Variants in PRELID2 observed in about 807,000 individuals in gnomAD.
The protein encoded by PRELID2 is PRELI domain-containing protein 2.
A neutral mutation model predicts 28.4 loss-of-function variants in PRELID2; 25 were observed. The ratio of observed to expected loss-of-function variants is 0.88; its 90% CI spans 0.64 to 1.23. The LOEUF (loss-of-function observed/expected upper bound fraction) is 1.23. Among genes scored for constraint, PRELID2 ranks in the 50% most tolerant of loss-of-function variants. The pLI, the probability that PRELID2 is intolerant of heterozygous loss-of-function variation, is 0.00. For missense variants in PRELID2, 201 were observed against 214.4 expected (o/e 0.94, Z 0.39); for synonymous variants, 76 against 71.6 (o/e 1.06, Z -0.31).
chr5:145,672,865 T>C (rs747850348), intron 1 of PRELID2, among the ~76,000 whole-genome samples: 1 of 152,192 alleles, frequency 6.6e-6, no homozygotes, highest in Non-Finnish European at 1.5e-5. Context: ...ATATAAATTT[T>C]CATTACTGAC....
rs778639494 is a variant in PRELID2, at chr5:145,796,320, T to G, written c.474+122A>C. On this transcript the variant is annotated intron_variant, in intron 5 of 6. Transcript: ENST00000683046. ...TTTTGAGGTTGATTATTTTTGCATA[T>G]ATTTGTTTATTAACTATATGTTTTT... The G allele has an allele frequency of 1.4e-5, 7 of 512,912 alleles. No homozygotes were observed. The East Asian group carries it at 1.6e-4, about 12-fold the overall frequency. The allele number at this position is 512,912 out of a possible 1,614,324, so 31.8% of individuals were successfully genotyped here.
chr5:145,240,181 C>A, the PRELID2 span, among the ~76,000 whole-genome samples: 1 of 151,960 alleles, frequency 6.6e-6, no homozygotes, highest in Non-Finnish European at 1.5e-5. Context: ...ATCTCACTGG[C>A]ACTCTCTACA....
chr5:145,641,819 T>C (rs1754112103), intron 1 of PRELID2, among the ~76,000 whole-genome samples: 1 of 152,258 alleles, frequency 6.6e-6, no homozygotes, highest in South Asian at 2.1e-4. Flanking sequence ...TCCAGCTTCA[T>C]CTATGTCCCT....
chr5:145,772,067 T>G (rs1020673584), intron 5 of PRELID2, among the ~76,000 whole-genome samples: 5 of 152,236 alleles, frequency 3.3e-5, no homozygotes, highest in African/African-American at 1.2e-4. Context: ...TCCTTTTAGA[T>G]GCAGAACTTT....
At chr5:145,807,618 C>G (rs1215990263) in intron 4 of PRELID2, among the ~76,000 whole-genome samples, 2 of 151,958 alleles carry the variant, frequency 1.3e-5, no homozygotes, top group Non-Finnish European at 2.9e-5. Flanking sequence ...TGTAGAGATT[C>G]TCTCTACATG....
At chr5:145,247,353 C>T in the PRELID2 span, among the ~76,000 whole-genome samples, 3 of 149,266 alleles carry the variant, frequency 2.0e-5, no homozygotes, top group African/African-American at 5.2e-5. Flanking sequence ...CTGTGAATTA[C>T]TCTTTTCCAT....
chr5:145,296,297 C>T, the PRELID2 span, among the ~76,000 whole-genome samples: 6 of 151,432 alleles, frequency 4.0e-5, no homozygotes, highest in Admixed American at 3.3e-4. Context: ...CCCATTAACT[C>T]GTCACTTAGC....
At chr5:145,427,525 C>T in the PRELID2 span, among the ~76,000 whole-genome samples, 3 of 152,126 alleles carry the variant, frequency 2.0e-5, no homozygotes, top group African/African-American at 7.2e-5. Flanking sequence ...GAGCACAGTA[C>T]CATCTGGGTG....
intron 4 of PRELID2, among the ~76,000 whole-genome samples, chr5:145,808,761 C>T (rs1200294622): frequency 2.0e-5 from 3 of 151,950 alleles, no homozygotes; most frequent in African/African-American, 7.3e-5. Context: ...TAGCACACAC[C>T]TATATCTCAG....
the PRELID2 span, among the ~76,000 whole-genome samples, chr5:145,303,960 G>A: frequency 6.6e-6 from 1 of 152,166 alleles, no homozygotes; most frequent in Non-Finnish European, 1.5e-5. Flanking sequence ...GAGTATGATA[G>A]AATCGGTGAA....
At chr5:145,389,482 C>T in the PRELID2 span, among the ~76,000 whole-genome samples, 2 of 152,086 alleles carry the variant, frequency 1.3e-5, no homozygotes, top group African/African-American at 4.8e-5. Context: ...AGAGTTTTTA[C>T]TAAAGGGATA....
intron 1 of PRELID2, among the ~76,000 whole-genome samples, chr5:145,652,098 A>G (rs1230920316): frequency 6.6e-6 from 1 of 152,248 alleles, no homozygotes; most frequent in South Asian, 2.1e-4. Flanking sequence ...CGAGAACTAC[A>G]TGATGAATGC....
chr5:145,494,805 A>T, intron 1 of PRELID2, among the ~76,000 whole-genome samples: 1 of 152,216 alleles, frequency 6.6e-6, no homozygotes, highest in East Asian at 1.9e-4. Context: ...AATCTCATTG[A>T]ATAGATAAGA....
chr5:145,781,721 A>ATATATATATAC (rs928954287), intron 5 of PRELID2, among the ~76,000 whole-genome samples: 2 of 146,146 alleles, frequency 1.4e-5, no homozygotes, highest in East Asian at 4.0e-4. Context: ...CACACACACT[A>ATATATATATAC]TATATATATA....
intron 1 of PRELID2, among the ~76,000 whole-genome samples, chr5:145,650,538 A>G (rs1561531921): frequency 1.6e-5 from 1 of 60,804 alleles, no homozygotes; most frequent in Non-Finnish European, 3.3e-5. Context: ...ATACATATAT[A>G]TATATATATA....
intron 1 of PRELID2, among the ~76,000 whole-genome samples, chr5:145,643,573 G>A (rs750275566): frequency 2.0e-5 from 3 of 152,274 alleles, no homozygotes; most frequent in South Asian, 2.1e-4. Flanking sequence ...GTGAGAGAGG[G>A]CATTCTTGCC....
chr5:145,472,133 G>C (rs186407071), exon 3 of PRELID2: 57 of 152,510 alleles, frequency 3.7e-4, no homozygotes, highest in Middle Eastern at 3.3e-3. Context: ...GAACATTTTT[G>C]ACGACTGTAG....
At chr5:145,672,986 A>G (rs1185006463) in intron 1 of PRELID2, among the ~76,000 whole-genome samples, 1 of 152,158 alleles carries the variant, frequency 6.6e-6, no homozygotes, top group Non-Finnish European at 1.5e-5. Context: ...AGGACAACCA[A>G]GCACCTATGT....
At chr5:145,532,644 C>T (rs1752664144) in intron 1 of PRELID2, among the ~76,000 whole-genome samples, 1 of 152,062 alleles carries the variant, frequency 6.6e-6, no homozygotes, top group Non-Finnish European at 1.5e-5. Context: ...CCCCTGGTAA[C>T]CACTATTCTA....
Sources: allele counts gnomAD v4.1 joint callset (sites outside exome capture counted in the v4.1 genomes callset), GRCh38; gene constraint gnomAD v4.1.1; transcripts MANE v1.5; gene names NCBI Gene and HGNC (gene_info 2026-07-23, HGNC 2026-07-21).